Variants in KIF6 observed in about 807,000 individuals in gnomAD.
KIF6 encodes the protein kinesin-like protein KIF6.
A neutral mutation model predicts 112.7 loss-of-function variants in KIF6; 106 were observed. The observed-to-expected ratio is 0.94, with a 90% CI of 0.80 to 1.11. The LOEUF is 1.11. Ranked by LOEUF, KIF6 falls within the 50% of genes least tolerant of loss-of-function variation. The probability of loss-of-function intolerance (pLI) is 0.00; values close to 1 mark genes in which losing one functional copy is unlikely to be tolerated. For missense variants in KIF6, 929 were observed against 964.0 expected (o/e 0.96, Z 0.48); for synonymous variants, 339 against 339.9 (o/e 1.00, Z 0.03).
intron 6 of KIF6, 132 bp from the exon 7 acceptor site, chr6:39,596,392 T>G: frequency 1.5e-6 from 1 of 650,240 alleles, no homozygotes; most frequent in Non-Finnish European, 2.7e-6. Flanking sequence ...GCAAAACCAC[T>G]TGTAACTGAG....
intron 13 of KIF6, among the ~76,000 whole-genome samples, chr6:39,519,240 T>C (rs1424651148): frequency 6.6e-6 from 1 of 152,144 alleles, no homozygotes. Flanking sequence ...TCCAATGGAA[T>C]AGGCCACATT....
intron 16 of KIF6, among the ~76,000 whole-genome samples, chr6:39,367,113 G>A (rs1173123804): frequency 6.6e-6 from 1 of 152,146 alleles, no homozygotes; most frequent in Non-Finnish European, 1.5e-5. Flanking sequence ...GGTGATGTCT[G>A]CTTGGTGAAA....
intron 2 of KIF6, among the ~76,000 whole-genome samples, chr6:39,715,524 G>A (rs982935586): frequency 3.4e-5 from 3 of 87,782 alleles, no homozygotes; most frequent in African/African-American, 1.0e-4. Context: ...TTTTTTTTGA[G>A]ACAGAGTCTC....
chr6:39,419,929 C>G lies in KIF6; in HGVS notation c.1810+19G>C, dbSNP rs1334185037. 1.9e-6 allele frequency: 3 copies of G among 1,603,274 alleles called. No individual in the cohort carries two copies. The highest frequency in any genetic ancestry group is 2.6e-6 in the Non-Finnish European group (3 of 1,170,100). ...GAAAATGGTTTCTGAAAGAGGCTCA[C>G]AGAATATCATCTGCTTACCAATTTT... On this transcript the variant is annotated intron_variant, in intron 15 of 22. Transcript: ENST00000287152.
chr6:39,667,019 G>C (rs949919827), intron 3 of KIF6, among the ~76,000 whole-genome samples: 11 of 151,968 alleles, frequency 7.2e-5, no homozygotes, highest in African/African-American at 2.7e-4. Flanking sequence ...TTTTTGCACG[G>C]GAACAGTTTC....
chr6:39,618,603 A>G (rs1783654069), intron 5 of KIF6, among the ~76,000 whole-genome samples: 1 of 152,204 alleles, frequency 6.6e-6, no homozygotes, highest in Admixed American at 6.6e-5. Flanking sequence ...ACCCAAGGCC[A>G]TGCCAGACTA....
chr6:39,664,379 A>ATT (rs1231462338), intron 3 of KIF6, among the ~76,000 whole-genome samples: 1 of 152,090 alleles, frequency 6.6e-6, no homozygotes, highest in East Asian at 1.9e-4. Flanking sequence ...TATTAAACTC[A>ATT]TTTTTCACCC....
At chr6:39,350,256 A>G (rs1412527405) in intron 19 of KIF6, among the ~76,000 whole-genome samples, 1 of 152,160 alleles carries the variant, frequency 6.6e-6, no homozygotes, top group African/African-American at 2.4e-5. Context: ...CTTGTACAAA[A>G]TATTACAAAA....
At chr6:39,567,849 C>T (rs762827046) in intron 10 of KIF6, among the ~76,000 whole-genome samples, 14 of 152,204 alleles carry the variant, frequency 9.2e-5, no homozygotes, top group African/African-American at 2.2e-4. Context: ...CCTCGTGATC[C>T]GCCCGCCTTG....
intron 3 of KIF6, among the ~76,000 whole-genome samples, chr6:39,685,428 G>A (rs1234496409): frequency 6.6e-6 from 1 of 152,198 alleles, no homozygotes; most frequent in Non-Finnish European, 1.5e-5. Flanking sequence ...AGCGAAGTAT[G>A]AGGAAGCTGA....
At chr6:39,641,982 C>T (rs1010169927) in intron 3 of KIF6, among the ~76,000 whole-genome samples, 1 of 152,080 alleles carries the variant, frequency 6.6e-6, no homozygotes, top group African/African-American at 2.4e-5. Context: ...TATTACGTTG[C>T]TACAATTAAA....
intron 16 of KIF6, among the ~76,000 whole-genome samples, chr6:39,381,148 A>G (rs1481344972): frequency 6.6e-6 from 1 of 152,168 alleles, no homozygotes; most frequent in African/African-American, 2.4e-5. Flanking sequence ...CTGGGCACAC[A>G]TCTACTTACA....
At chr6:39,469,757 GAC>G (rs1446053883) in intron 13 of KIF6, among the ~76,000 whole-genome samples, 3 of 152,064 alleles carry the variant, frequency 2.0e-5, no homozygotes, top group African/African-American at 7.2e-5. Context: ...CCATCAGAAA[GAC>G]ACAGAAATTA....
chr6:39,636,085 G>A (rs372628385), intron 4 of KIF6, among the ~76,000 whole-genome samples: 1 of 151,928 alleles, frequency 6.6e-6, no homozygotes, highest in East Asian at 1.9e-4. Flanking sequence ...TAAATAAAAA[G>A]CTGGACTCCT....
intron 13 of KIF6, among the ~76,000 whole-genome samples, chr6:39,507,284 C>T (rs9367014): frequency 0.46 from 69,604 of 151,892 alleles, 19,058 homozygotes; most frequent in African/African-American, 0.77. Context: ...GCCCAGAGAA[C>T]TGGAGAATTG....
chr6:39,385,124 CA>C lies in KIF6; in HGVS notation c.1861+497del, dbSNP rs1767298926. On this transcript the variant is annotated intron_variant, in intron 16 of 22. Coordinates refer to ENST00000287152, the MANE Select transcript of KIF6 (RefSeq NM_145027.6). ...TACTTGTTTCAACACTCACTGGCTACATGACCTTGGGAAGGCACTGCATCTC... is the reference window on the plus strand; with the variant it reads ...TACTTGTTTCAACACTCACTGGCTACTGACCTTGGGAAGGCACTGCATCTC... 1.3e-5 allele frequency among the ~76,000 whole-genome samples: 2 copies of C among 152,238 alleles called. 1 individual carries two copies. Among genetic ancestry groups the C allele is most frequent in the South Asian group, 4.1e-4 (2 of 4,830 alleles).
At chr6:39,476,951 C>T (rs564978948) in intron 13 of KIF6, among the ~76,000 whole-genome samples, 4 of 152,216 alleles carry the variant, frequency 2.6e-5, no homozygotes, top group Non-Finnish European at 5.9e-5. Context: ...CAATCATTTA[C>T]CAACTTCTTC....
At chr6:39,508,191 G>T (rs193178381) in intron 13 of KIF6, among the ~76,000 whole-genome samples, 2 of 151,952 alleles carry the variant, frequency 1.3e-5, no homozygotes, top group East Asian at 3.9e-4. Flanking sequence ...CACCCACAAA[G>T]ATTCTAACAG....
chr6:39,370,904 G>A (rs1464886612), intron 16 of KIF6, among the ~76,000 whole-genome samples: 9 of 152,066 alleles, frequency 5.9e-5, no homozygotes. Flanking sequence ...ATGGGCTGAT[G>A]ATCTGCTAGT....
Sources: allele counts gnomAD v4.1 joint callset (sites outside exome capture counted in the v4.1 genomes callset), GRCh38; gene constraint gnomAD v4.1.1; transcripts MANE v1.5; gene names NCBI Gene and HGNC (gene_info 2026-07-23, HGNC 2026-07-21).